CBLB: variants seen among roughly 807,000 people sequenced by gnomAD.
CBLB encodes the protein E3 ubiquitin-protein ligase CBL-B.
CBLB carries 31 observed loss-of-function variants against 104.9 expected under a neutral mutation model. The observed-to-expected ratio is 0.30, with a 90% CI of 0.22 to 0.40. The LOEUF (loss-of-function observed/expected upper bound fraction) is 0.40. Among genes scored for constraint, CBLB ranks in the 10% least tolerant of loss-of-function variants. CBLB has a pLI of 1.00. For missense variants in CBLB, 1,062 were observed against 1,214.6 expected (o/e 0.87, Z 1.87); for synonymous variants, 440 against 422.6 (o/e 1.04, Z -0.51).
intron 2 of CBLB, among the ~76,000 whole-genome samples, chr3:105,860,099 C>G (rs1484992731): frequency 2.0e-5 from 3 of 152,184 alleles, no homozygotes; most frequent in African/African-American, 7.2e-5. Context: ...TGTTCACTCT[C>G]TTTCTTCCAA....
intron 10 of CBLB, among the ~76,000 whole-genome samples, chr3:105,713,243 G>A (rs1223512485): frequency 6.6e-6 from 1 of 151,944 alleles, no homozygotes; most frequent in Non-Finnish European, 1.5e-5. Context: ...AAGTACTTGG[G>A]GGAAGGGGAG....
At chr3:105,821,652 G>T (rs762091999) in intron 3 of CBLB, among the ~76,000 whole-genome samples, 9 of 152,150 alleles carry the variant, frequency 5.9e-5, no homozygotes, top group African/African-American at 1.2e-4. Flanking sequence ...AGAAAGTACT[G>T]CAATCATCCA....
chr3:105,832,157 T>G (rs1033621012), intron 3 of CBLB, among the ~76,000 whole-genome samples: 1 of 152,122 alleles, frequency 6.6e-6, no homozygotes. Context: ...AACAGATGTG[T>G]ACCATAAAAA....
intron 4 of CBLB, among the ~76,000 whole-genome samples, chr3:105,763,625 T>C (rs956434781): frequency 2.6e-5 from 4 of 152,220 alleles, no homozygotes; most frequent in African/African-American, 9.6e-5. Context: ...TCTTTTTCTT[T>C]ATAAATTAGT....
At chr3:105,732,829 G>T (rs2074462652) in intron 9 of CBLB, among the ~76,000 whole-genome samples, 1 of 152,128 alleles carries the variant, frequency 6.6e-6, no homozygotes, top group South Asian at 2.1e-4. Flanking sequence ...AGGACTGAGA[G>T]GGCTTAGAAA....
chr3:105,782,847 C>G (rs774243670), intron 3 of CBLB, among the ~76,000 whole-genome samples: 12 of 152,250 alleles, frequency 7.9e-5, no homozygotes, highest in South Asian at 2.1e-4. Flanking sequence ...GCTGGGATTA[C>G]AGGCGTGAGC....
intron 18 of CBLB, among the ~76,000 whole-genome samples, chr3:105,664,253 A>C (rs1025283159): frequency 6.6e-6 from 1 of 152,196 alleles, no homozygotes; most frequent in African/African-American, 2.4e-5. Context: ...TTAATGTGAA[A>C]GTTTTCTAGT....
chr3:105,730,981 T>C (rs1227941545), intron 9 of CBLB, among the ~76,000 whole-genome samples: 1 of 152,080 alleles, frequency 6.6e-6, no homozygotes, highest in Admixed American at 6.6e-5. Flanking sequence ...TAGCTGAGAA[T>C]GAAAAAGAGA....
At chr3:105,770,511 T>G (rs531798432) in intron 4 of CBLB, among the ~76,000 whole-genome samples, 1 of 152,202 alleles carries the variant, frequency 6.6e-6, no homozygotes, top group African/African-American at 2.4e-5. Flanking sequence ...AGTCAGCCAA[T>G]GAGCTCAGGG....
intron 10 of CBLB, among the ~76,000 whole-genome samples, chr3:105,716,519 T>C (rs1438322508): frequency 6.6e-6 from 1 of 152,186 alleles, no homozygotes; most frequent in Non-Finnish European, 1.5e-5. Context: ...GCAATATTCT[T>C]CCAAATTATT....
Position 105,698,117 on chromosome 3 carries a change from T to G in CBLB, c.1959+3977A>C, listed in dbSNP as rs2068620266. ...TAAACAATAACTCTTAGCTTGTAGATCCACATTTAAAGTAAAGTATTACCT... is the reference window on the plus strand; with the variant it reads ...TAAACAATAACTCTTAGCTTGTAGAGCCACATTTAAAGTAAAGTATTACCT... On this transcript the variant is annotated intron_variant, in intron 12 of 18. Transcript: ENST00000394030. 2.0e-5 allele frequency among the ~76,000 whole-genome samples: 3 copies of G among 152,008 alleles called. No homozygotes were observed. The South Asian group carries it at 6.2e-4, about 31-fold the overall frequency.
At chr3:105,807,442 T>C (rs1309892629) in intron 3 of CBLB, among the ~76,000 whole-genome samples, 1 of 152,186 alleles carries the variant, frequency 6.6e-6, no homozygotes, top group Non-Finnish European at 1.5e-5. Flanking sequence ...AGCAATATAA[T>C]CTTGAAAAGA....
At chr3:105,850,727 T>C (rs1357078291) in intron 3 of CBLB, among the ~76,000 whole-genome samples, 1 of 152,206 alleles carries the variant, frequency 6.6e-6, no homozygotes, top group Non-Finnish European at 1.5e-5. Context: ...GTCAATTCAG[T>C]CTTTGCCAGC....
At chr3:105,733,707 C>T (rs1027790449) in intron 9 of CBLB, among the ~76,000 whole-genome samples, 3 of 152,058 alleles carry the variant, frequency 2.0e-5, no homozygotes, top group East Asian at 1.9e-4. Context: ...CAGATTCTGA[C>T]CTATCAATAA....
At chr3:105,866,479 G>A (rs1027968687) in intron 2 of CBLB, among the ~76,000 whole-genome samples, 15 of 152,182 alleles carry the variant, frequency 9.9e-5, no homozygotes, top group African/African-American at 3.1e-4. Context: ...ATTGGCCCCA[G>A]ATATCTATGA....
chr3:105,800,415 T>C (rs772030910), intron 3 of CBLB, among the ~76,000 whole-genome samples: 2 of 152,126 alleles, frequency 1.3e-5, no homozygotes, highest in Admixed American at 1.3e-4. Context: ...TCTGAGGAAC[T>C]TGTAGAGCCT....
At chr3:105,844,471 A>C (rs2089986633) in intron 3 of CBLB, among the ~76,000 whole-genome samples, 1 of 152,188 alleles carries the variant, frequency 6.6e-6, no homozygotes, top group African/African-American at 2.4e-5. Context: ...CAATGTTTCC[A>C]CTGAACAACA....
At chr3:105,663,052 TCA>T (rs2063952250) in intron 18 of CBLB, among the ~76,000 whole-genome samples, 1 of 149,094 alleles carries the variant, frequency 6.7e-6, no homozygotes, top group South Asian at 2.1e-4. Flanking sequence ...ACCTTCACTA[TCA>T]CAGTTACTGC....
At position 105,736,248 on chromosome 3, in the gene CBLB, C is replaced by CA. The variant is rs537113940; in HGVS notation, c.1071+922dup. Among the ~76,000 whole-genome samples the CA allele has an allele frequency of 1.1e-4, 17 of 152,282 alleles. No individual in the cohort carries two copies. The South Asian group carries it at 3.5e-3, about 32-fold the overall frequency. ...TCCCTTCATCCCCTCCCTCACTGCT[C>CA]AATCCCTTTTCACCTCCTCAGTTAA... is the stretch of plus-strand genomic sequence containing the variant. On this transcript the variant is annotated intron_variant, in intron 8 of 18. Coordinates refer to ENST00000394030, the MANE Select transcript of CBLB (RefSeq NM_170662.5).
Sources: gnomAD v4.1 joint callset for allele counts (sites outside exome capture counted in the v4.1 genomes callset) on GRCh38, gnomAD v4.1.1 for gene constraint, MANE v1.5 for transcripts, NCBI Gene and HGNC (gene_info 2026-07-23, HGNC 2026-07-21) for gene names.